The following DNAH11 variants were observed in gnomAD, a reference collection of about 807,000 sequenced individuals.
DNAH11 encodes the protein dynein axonemal heavy chain 11, also known as axonemal beta dynein heavy chain 11.
In DNAH11, 442 loss-of-function variants were observed where a neutral mutation model predicts 526.0. The ratio of observed to expected loss-of-function variants is 0.84; its 90% CI spans 0.78 to 0.91. DNAH11 has a LOEUF of 0.91. Among genes scored for constraint, DNAH11 ranks in the 40% least tolerant of loss-of-function variants. DNAH11 has a pLI of 0.00. For missense variants in DNAH11, 6,989 were observed against 5,448.7 expected, an observed-to-expected ratio of 1.28 and a Z score of -8.90; for synonymous variants, 2,461 against 1,935.9, an observed-to-expected ratio of 1.27 and a Z score of -7.12.
At chr7:21,569,329 A>G (rs1783788894) in intron 6 of DNAH11, among the ~76,000 whole-genome samples, 3 of 152,188 alleles carry the variant, frequency 2.0e-5, no homozygotes, top group Admixed American at 2.0e-4. Flanking sequence ...GTAGCATACA[A>G]AAGAACCTTC....
At position 21,822,618 on chromosome 7, in the gene DNAH11, T is replaced by C. The variant is rs115809816; in HGVS notation, c.10691+4279T>C. ...GAATGCAGATACTTTTGCAATATAC[T>C]GATTTCATTTATTTTGGATATATGC... On this transcript the variant is annotated intron_variant, in intron 65 of 81. Coordinates refer to ENST00000409508, the MANE Select transcript of DNAH11 (RefSeq NM_001277115.2). 2.8e-3 allele frequency among the ~76,000 whole-genome samples: 426 copies of C among 152,364 alleles called. 3 individuals are homozygous for C. Among genetic ancestry groups the C allele is most frequent in the African/African-American group, 9.8e-3 (406 of 41,584 alleles).
chr7:21,829,691 C>G (rs1196088732), intron 65 of DNAH11, among the ~76,000 whole-genome samples: 1 of 152,142 alleles, frequency 6.6e-6, no homozygotes, highest in Non-Finnish European at 1.5e-5. Flanking sequence ...AGTAACTATA[C>G]TAAATCTTGA....
intron 56 of DNAH11, among the ~76,000 whole-genome samples, chr7:21,774,872 C>T (rs1170538395): frequency 1.3e-5 from 2 of 152,160 alleles, no homozygotes; most frequent in African/African-American, 4.8e-5. Flanking sequence ...CTAGTGATCA[C>T]CTCAAGACTA....
At position 21,862,013 on chromosome 7, in the gene DNAH11, T is replaced by C. The variant is rs374799169; in HGVS notation, c.11363T>C (p.Met3788Thr). The C allele has an allele frequency of 5.3e-5, 85 of 1,611,926 alleles. No homozygotes were observed. Among genetic ancestry groups the C allele is most frequent in the Non-Finnish European group, 6.6e-5 (78 of 1,179,036 alleles). The change falls in exon 69 of 82, where the codon ATG becomes ACG. Residue 3788 changes from methionine to threonine, a missense_variant. Met to Thr is a moderately conservative substitution (Grantham distance 81). Transcript: ENST00000409508. ...GACAAGCTCACCTTCCTGTCCCAGA[T>C]GGCTTTTCAGGTAAGGAGATCAGTT... The part of the protein sequence containing the change: ...EKDKLTFLSQ[M>T]AFQILLRKKE...
chr7:21,806,260 G>A (rs1789260038), intron 62 of DNAH11, among the ~76,000 whole-genome samples: 1 of 152,190 alleles, frequency 6.6e-6, no homozygotes, highest in Non-Finnish European at 1.5e-5. Flanking sequence ...TGGAGAATGA[G>A]TTGGATACAT....
chr7:21,580,107 G>C (rs1042195042), intron 8 of DNAH11, among the ~76,000 whole-genome samples: 3 of 152,194 alleles, frequency 2.0e-5, no homozygotes, highest in African/African-American at 7.2e-5. Flanking sequence ...GAGGTCCCAC[G>C]TGCAGTTCTA....
chr7:21,574,668 A>G (rs573442261), intron 8 of DNAH11, among the ~76,000 whole-genome samples: 3 of 147,674 alleles, frequency 2.0e-5, no homozygotes, highest in South Asian at 4.3e-4. Flanking sequence ...GCTTCAAGTG[A>G]TTCTTCTGCC....
chr7:21,747,861 A>G (rs1308814445), intron 51 of DNAH11, among the ~76,000 whole-genome samples: 1 of 152,226 alleles, frequency 6.6e-6, no homozygotes, highest in African/African-American at 2.4e-5. Flanking sequence ...TACAGCAAAG[A>G]TTTCTGGCAC....
intron 58 of DNAH11, among the ~76,000 whole-genome samples, chr7:21,786,302 ATGTGTGTGTG>A (rs58775729): frequency 2.0e-5 from 3 of 150,842 alleles, no homozygotes; most frequent in Non-Finnish European, 3.0e-5. Context: ...ACATATACAC[ATGTGTGTGTG>A]TGTGTGTGTG....
intron 6 of DNAH11, among the ~76,000 whole-genome samples, chr7:21,565,044 G>C (rs961363476): frequency 2.0e-5 from 3 of 152,190 alleles, no homozygotes; most frequent in African/African-American, 7.2e-5. Flanking sequence ...ATAATCCAGT[G>C]GTTCTTATTT....
At chr7:21,747,716 A>G (rs925115231) in intron 51 of DNAH11, among the ~76,000 whole-genome samples, 22 of 152,322 alleles carry the variant, frequency 1.4e-4, no homozygotes, top group South Asian at 6.2e-4. Context: ...TTATTCTACA[A>G]TGGTGTAGTT....
chr7:21,695,318 G>A (rs1783803608), intron 35 of DNAH11, among the ~76,000 whole-genome samples: 2 of 152,136 alleles, frequency 1.3e-5, no homozygotes, highest in African/African-American at 4.8e-5. Context: ...AAAGCTGGAG[G>A]CATCACACTA....
intron 79 of DNAH11, 44 bp downstream of exon 79, chr7:21,895,043 G>T (rs759737260): frequency 1.3e-6 from 2 of 1,512,208 alleles, no homozygotes; most frequent in Admixed American, 1.7e-5. Context: ...GAGCAGCCTC[G>T]GTGCTGGGTT....
chr7:21,731,100 C>T (rs570181381), intron 45 of DNAH11, among the ~76,000 whole-genome samples: 4 of 151,778 alleles, frequency 2.6e-5, no homozygotes, highest in South Asian at 2.1e-4. Context: ...GCCGAGAGTG[C>T]GCTATTGGAC....
chr7:21,803,596 TG>T (rs1789098736), intron 62 of DNAH11, among the ~76,000 whole-genome samples: 1 of 112,052 alleles, frequency 8.9e-6, no homozygotes, highest in African/African-American at 4.1e-5. Context: ...CCACACCTCC[TG>T]CCCAAAAAAA....
intron 65 of DNAH11, among the ~76,000 whole-genome samples, chr7:21,822,165 T>C: frequency 6.6e-6 from 1 of 151,136 alleles, no homozygotes; most frequent in East Asian, 1.9e-4. Flanking sequence ...ATTTATTTAT[T>C]TTTTTTAAAA....
chr7:21,631,301 C>G (rs1258572047), intron 25 of DNAH11, among the ~76,000 whole-genome samples: 2 of 152,142 alleles, frequency 1.3e-5, no homozygotes, highest in Non-Finnish European at 1.5e-5. Flanking sequence ...ACAGCCAAAC[C>G]ATATCATTCC....
chr7:21,631,465 G>GA (rs1278795687), intron 25 of DNAH11, among the ~76,000 whole-genome samples: 115 of 152,292 alleles, frequency 7.6e-4, no homozygotes, highest in Non-Finnish European at 2.2e-4. Context: ...TTCCACATAT[G>GA]AGCCTGTAAA....
In DNAH11 at chr7:21,801,252, G is replaced by C. The variant is rs1788979937; in HGVS notation, c.10142G>C (p.Arg3381Thr). The change falls in exon 62 of 82, where the codon AGA becomes ACA. Residue 3381 changes from arginine to threonine, a missense_variant. Coordinates refer to ENST00000409508, the MANE Select transcript of DNAH11 (RefSeq NM_001277115.2). ...AACAAAACCATCAAATTAGCTAACA[G>C]ACTTGTCAAGGAACTTGAGGCAAGT... ...QTNKTIKLAN[R>T]LVKELEAKKI... The C allele has an allele frequency of 6.2e-7, 1 of 1,613,886 alleles. No homozygotes were observed. The highest frequency in any genetic ancestry group is 8.5e-7 in the Non-Finnish European group (1 of 1,179,846).
Sources: gnomAD v4.1 joint callset for allele counts (sites outside exome capture counted in the v4.1 genomes callset) on GRCh38, gnomAD v4.1.1 for gene constraint, MANE v1.5 for transcripts, NCBI Gene and HGNC (gene_info 2026-07-23, HGNC 2026-07-21) for gene names.